The following SLC10A2 variants were observed in gnomAD, a reference collection of about 807,000 sequenced individuals.
SLC10A2 encodes the protein solute carrier family 10 member 2, also known as ileal sodium/bile acid cotransporter.
A neutral mutation model predicts 27.1 loss-of-function variants in SLC10A2; 34 were observed. That is an observed-to-expected ratio of 1.26 (90% CI 0.96 to 1.67). The LOEUF (loss-of-function observed/expected upper bound fraction) is 1.67. SLC10A2 is among the 40% of genes most tolerant of loss of function. SLC10A2 has a pLI of 0.00. For synonymous variants in SLC10A2, 205 were observed against 174.0 expected (o/e 1.18, Z -1.40); for missense variants, 530 against 444.4 (o/e 1.19, Z -1.73).
rs9586055 is a variant in SLC10A2, at chr13:103,060,501, G to A, written c.378-2119C>T. On this transcript the variant is annotated intron_variant, in intron 1 of 5. Transcript: ENST00000245312. ...AGTGATCTTTGCACCTCAGCCTCCC[G>A]AGTAGCTGGGAATACAGGCATGAGC... Among the ~76,000 whole-genome samples, 319 of 150,902 alleles carry A rather than the reference G, an allele frequency of 2.1e-3. 2 individuals are homozygous for A. The highest frequency in any genetic ancestry group is 7.2e-3 in the African/African-American group (295 of 40,982).
intron 5 of SLC10A2, 56 bp downstream of exon 5, chr13:103,049,233 G>T: frequency 6.3e-7 from 1 of 1,590,692 alleles, no homozygotes; most frequent in Non-Finnish European, 8.6e-7. Context: ...TGTTGTTTTA[G>T]CAACTCCAGG....
intron 2 of SLC10A2, among the ~76,000 whole-genome samples, chr13:103,057,978 T>C (rs183078402): frequency 7.2e-5 from 11 of 152,224 alleles, no homozygotes; most frequent in Admixed American, 3.3e-4. Context: ...CAAGCTCCCA[T>C]GTCCCCAAAG....
chr13:103,059,772 C>A (rs1003868333), intron 1 of SLC10A2, among the ~76,000 whole-genome samples: 3 of 152,192 alleles, frequency 2.0e-5, no homozygotes, highest in African/African-American at 7.2e-5. Flanking sequence ...ATGGGCCTCC[C>A]TGGGCCCCTG....
Position 103,049,277 on chromosome 13 carries a change from A to C in SLC10A2, c.919+12T>G. The stretch of plus-strand genomic sequence containing the variant: ...AAGATTATCATGAAATGGGATTGGC[A>C]TGATTCCTTACATCCTAAGAATATT... On this transcript the variant is annotated intron_variant, in intron 5 of 5. Transcript: ENST00000245312. 6.2e-7 allele frequency: 1 copy of C among 1,613,262 alleles called. No individual in the cohort carries two copies. Among genetic ancestry groups the C allele is most frequent in the Non-Finnish European group, 8.5e-7 (1 of 1,179,436 alleles).
rs569687494 is a variant in SLC10A2 at position 103,052,068 on chromosome 13, A to G, written c.585+552T>C. 5.5e-4 allele frequency among the ~76,000 whole-genome samples: 84 copies of G among 152,378 alleles called. 1 individual carries two copies. Among genetic ancestry groups the G allele is most frequent in the African/African-American group, 1.9e-3 (81 of 41,588 alleles). On this transcript the variant is annotated intron_variant, in intron 3 of 5. Coordinates refer to ENST00000245312, the MANE Select transcript of SLC10A2 (RefSeq NM_000452.3). ...AGCAGAATCTATCTATATTATCTACATACATATCCAGATCATCTAGCTAGA... is the reference window on the plus strand; with the variant it reads ...AGCAGAATCTATCTATATTATCTACGTACATATCCAGATCATCTAGCTAGA...
At chr13:103,051,591 C>G (rs1420943785) in intron 3 of SLC10A2, among the ~76,000 whole-genome samples, 159 bp from the exon 4 acceptor site, 1 of 152,164 alleles carries the variant, frequency 6.6e-6, no homozygotes, top group African/African-American at 2.4e-5. Flanking sequence ...GCAATCAGCC[C>G]ACTGGAAATA....
At chr13:103,046,287 G>A in intron 5 of SLC10A2, 27 bp from the exon 6 acceptor site, 1 of 1,570,866 alleles carries the variant, frequency 6.4e-7, no homozygotes, top group East Asian at 2.3e-5. Context: ...AGACAGTTAA[G>A]TAAATTTTAT....
intron 1 of SLC10A2, among the ~76,000 whole-genome samples, chr13:103,059,334 C>T (rs1355206642): frequency 6.6e-6 from 1 of 152,156 alleles, no homozygotes; most frequent in East Asian, 1.9e-4. Flanking sequence ...TCTAATTAAA[C>T]TAAAGAGCTT....
At position 103,045,071 on chromosome 13, in the gene SLC10A2, T is replaced by G. The variant is rs150557540; in HGVS notation, c.*1062A>C. ...TGATCACTCTCGGACTTGATTCTTCTTATACTACTTACTCCTGCACATCTA... is the reference window on the plus strand; with the variant it reads ...TGATCACTCTCGGACTTGATTCTTCGTATACTACTTACTCCTGCACATCTA... On this transcript the variant is annotated 3_prime_UTR_variant, in exon 6 of 6. Transcript: ENST00000245312. The G allele has an allele frequency of 2.6e-4, 39 of 150,888 alleles. No homozygotes were observed. In the East Asian group the frequency reaches 5.8e-3, roughly 23 times the overall value. 9.3% of individuals were successfully genotyped at this position (150,888 alleles called of 1,614,324 possible). A position where few individuals can be genotyped will look rare whatever the true frequency, so the allele number is the denominator to read the frequency against.
rs138065549 is a variant in SLC10A2, at chr13:103,052,861, T to G, written c.497-153A>C. Among the ~76,000 whole-genome samples the G allele has an allele frequency of 3.4e-3, 510 of 151,956 alleles. 7 individuals are homozygous for G. The highest frequency in any genetic ancestry group is 7.3e-3 in the South Asian group (35 of 4,816). ...GAATACAGAATTACACACACACACATGCACACACACACTCACTCAACTTCT... is the reference window on the plus strand; with the variant it reads ...GAATACAGAATTACACACACACACAGGCACACACACACTCACTCAACTTCT... On this transcript the variant is annotated intron_variant, in intron 2 of 5. Coordinates refer to ENST00000245312, the MANE Select transcript of SLC10A2 (RefSeq NM_000452.3).
At chr13:103,049,985 A>G (rs895513281) in intron 4 of SLC10A2, among the ~76,000 whole-genome samples, 1 of 151,692 alleles carries the variant, frequency 6.6e-6, no homozygotes, top group African/African-American at 2.4e-5. Flanking sequence ...CCTGTTTCTA[A>G]AACAACAAAA....
chr13:103,052,627 A>G lies in SLC10A2; in HGVS notation c.578T>C (p.Ile193Thr). The change falls in exon 3 of 6, where the codon ATA (isoleucine) becomes ACA (threonine). Residue 193 changes from isoleucine (I) to threonine (T), a missense_variant. By Grantham distance (89) the Ile-to-Thr change is moderately conservative. Transcript: ENST00000245312. ...NHKWPQKAKI[I>T]LKIGSIAGAI... ...GTGAACTGGGATACTTACTTTAAGT[A>G]TGATCTTTGCTTTTTGGGGCCATTT... 6.2e-7 allele frequency: 1 copy of G among 1,604,000 alleles called. No individual in the cohort carries two copies. The highest frequency in any genetic ancestry group is 8.5e-7 in the Non-Finnish European group (1 of 1,170,856).
In SLC10A2 at chr13:103,045,372, C is replaced by T. The variant is rs1279227339; in HGVS notation, c.*761G>A. On this transcript the variant is annotated 3_prime_UTR_variant, in exon 6 of 6. Transcript: ENST00000245312. ...GATTTGAAGAGCTCTTTGCCAAATA[C>T]ACACCGTTTGAAAGAATTATGTTTT... 6.6e-6 allele frequency: 1 copy of T among 152,304 alleles called. No individual in the cohort carries two copies. The highest frequency in any genetic ancestry group is 1.5e-5 in the Non-Finnish European group (1 of 68,136). 9.4% of individuals were successfully genotyped at this position (152,304 alleles called of 1,614,324 possible). A position where few individuals can be genotyped will look rare whatever the true frequency, so the allele number is the denominator to read the frequency against.
intron 2 of SLC10A2, among the ~76,000 whole-genome samples, chr13:103,055,472 T>A (rs1212359209): frequency 2.0e-5 from 3 of 152,138 alleles, no homozygotes; most frequent in Admixed American, 6.6e-5. Context: ...AGCTTCCTGG[T>A]GACCTTGGGC....
chr13:103,064,676 T>C (rs1383372614), intron 1 of SLC10A2, among the ~76,000 whole-genome samples: 1 of 152,146 alleles, frequency 6.6e-6, no homozygotes, highest in African/African-American at 2.4e-5. Flanking sequence ...CTTATTGCTA[T>C]ATCGTGGTTC....
At chr13:103,059,760 G>C (rs1876048572) in intron 1 of SLC10A2, among the ~76,000 whole-genome samples, 1 of 152,196 alleles carries the variant, frequency 6.6e-6, no homozygotes, top group African/African-American at 2.4e-5. Context: ...TGCTGAGATG[G>C]AATGGGCCTC....
In SLC10A2 at chr13:103,051,452, G is replaced by C; in HGVS notation, c.586-20C>G. Reference sequence around the variant, plus strand: ...CCCAATCTGAAAAAAAAAGGAATAAGTGAACCCAGCAATCATGAGTCAAAG... The same window carrying C: ...CCCAATCTGAAAAAAAAAGGAATAACTGAACCCAGCAATCATGAGTCAAAG... On this transcript the variant is annotated intron_variant, in intron 3 of 5. Coordinates refer to ENST00000245312, the MANE Select transcript of SLC10A2 (RefSeq NM_000452.3). 1 of 1,613,208 alleles carries C rather than the reference G, an allele frequency of 6.2e-7. No homozygotes were observed.
intron 1 of SLC10A2, among the ~76,000 whole-genome samples, chr13:103,064,861 A>T (rs892202792): frequency 1.3e-5 from 2 of 152,206 alleles, no homozygotes; most frequent in African/African-American, 4.8e-5. Flanking sequence ...AGAAACCAGC[A>T]CCAGTTGAAA....
intron 2 of SLC10A2, among the ~76,000 whole-genome samples, chr13:103,054,127 A>G (rs1052745887): frequency 2.6e-5 from 4 of 151,840 alleles, no homozygotes; most frequent in African/African-American, 4.8e-5. Flanking sequence ...TGGGGGGCAG[A>G]CTTCCCCCTT....
Sources: gnomAD v4.1 joint callset for allele counts (sites outside exome capture counted in the v4.1 genomes callset) on GRCh38, gnomAD v4.1.1 for gene constraint, MANE v1.5 for transcripts, NCBI Gene and HGNC (gene_info 2026-07-23, HGNC 2026-07-21) for gene names.